The following UNC13C variants were observed in gnomAD, a reference collection of about 807,000 sequenced individuals.
UNC13C encodes unc-13 homolog C, also known as protein unc-13 homolog C.
A neutral mutation model predicts 245.4 loss-of-function variants in UNC13C; 174 were observed. That is an observed-to-expected ratio of 0.71 (90% CI 0.63 to 0.80). The LOEUF (loss-of-function observed/expected upper bound fraction) is 0.80, where lower values mean the gene tolerates loss of function less well. UNC13C is among the 30% of genes least tolerant of loss of function. The pLI is 0.00. For synonymous variants in UNC13C, 992 were observed against 895.1 expected (o/e 1.11, Z -1.93); for missense variants, 2,829 against 2,602.9 (o/e 1.09, Z -1.89).
chr15:54,410,951 T>C (rs1596338467), intron 18 of UNC13C, among the ~76,000 whole-genome samples: 1 of 152,226 alleles, frequency 6.6e-6, no homozygotes, highest in Non-Finnish European at 1.5e-5. Flanking sequence ...TCAAAAGCAA[T>C]GTGTCAGAGT....
At chr15:54,446,180 C>T (rs114838775) in intron 19 of UNC13C, among the ~76,000 whole-genome samples, 21,659 of 152,082 alleles carry the variant, frequency 0.14, 1,584 homozygotes, top group Non-Finnish European at 0.17. Context: ...GTACCATTCT[C>T]TTTTGGTTAC....
At chr15:54,224,508 C>G (rs2035318383) in intron 4 of UNC13C, among the ~76,000 whole-genome samples, 1 of 152,058 alleles carries the variant, frequency 6.6e-6, no homozygotes, top group Non-Finnish European at 1.5e-5. Flanking sequence ...ATGATCTTTT[C>G]AATATGTTGT....
intron 1 of UNC13C, among the ~76,000 whole-genome samples, chr15:53,985,899 T>C (rs551451212): frequency 7.2e-5 from 11 of 152,154 alleles, no homozygotes; most frequent in African/African-American, 2.6e-4. Context: ...AATCTTCCCA[T>C]TTTGACTCCA....
intron 1 of UNC13C, among the ~76,000 whole-genome samples, chr15:53,988,511 G>A (rs1270829291): frequency 2.0e-5 from 3 of 151,812 alleles, no homozygotes; most frequent in Non-Finnish European, 4.4e-5. Context: ...AATCAAAAAG[G>A]ATCTACCATC....
the UNC13C span, among the ~76,000 whole-genome samples, chr15:53,966,028 C>T: frequency 0.047 from 7,131 of 152,188 alleles, 274 homozygotes; most frequent in African/African-American, 0.1. Flanking sequence ...AGATTCAGTG[C>T]ACTTTTATCT....
chr15:54,550,069 G>C (rs1327203926), intron 28 of UNC13C, among the ~76,000 whole-genome samples: 2 of 152,138 alleles, frequency 1.3e-5, no homozygotes, highest in Non-Finnish European at 2.9e-5. Context: ...AGTGGGAGAT[G>C]TTCTGACTAA....
chr15:53,987,624 C>A (rs1015640061), intron 1 of UNC13C, among the ~76,000 whole-genome samples: 3 of 151,918 alleles, frequency 2.0e-5, no homozygotes, highest in Non-Finnish European at 4.4e-5. Context: ...AATTCATTTG[C>A]AAAAATGTCC....
At chr15:53,923,491 A>C in the UNC13C span, among the ~76,000 whole-genome samples, 2 of 152,226 alleles carry the variant, frequency 1.3e-5, no homozygotes, top group African/African-American at 4.8e-5. Flanking sequence ...AACTTGACTA[A>C]CCAACAGCCT....
intron 30 of UNC13C, among the ~76,000 whole-genome samples, chr15:54,597,457 A>C (rs1899153552): frequency 6.6e-6 from 1 of 152,082 alleles, no homozygotes. Context: ...GGTTTATTTT[A>C]CTTAGCCCAG....
intron 2 of UNC13C, among the ~76,000 whole-genome samples, chr15:54,038,124 A>ATATATAAAAATTTTTTTTTTT: frequency 4.4e-5 from 2 of 45,034 alleles, no homozygotes; most frequent in African/African-American, 2.1e-4. Context: ...ATATATATAT[A>ATATATAAAAATTTTTTTTTTT]TTTTTTTTTT....
At chr15:54,608,131 T>C (rs974600929) in intron 30 of UNC13C, among the ~76,000 whole-genome samples, 27 of 151,990 alleles carry the variant, frequency 1.8e-4, no homozygotes, top group Admixed American at 5.2e-4. Flanking sequence ...TCCAGGTCTT[T>C]TTCCAAAAAA....
intron 1 of UNC13C, among the ~76,000 whole-genome samples, chr15:53,985,740 T>A (rs1280511668): frequency 6.6e-6 from 1 of 152,022 alleles, no homozygotes; most frequent in Non-Finnish European, 1.5e-5. Flanking sequence ...CCATGTCACA[T>A]TATAGGTCAA....
At chr15:54,266,872 A>T (rs28587544) in intron 10 of UNC13C, among the ~76,000 whole-genome samples, 7,206 of 151,916 alleles carry the variant, frequency 0.047, 534 homozygotes, top group African/African-American at 0.16. Context: ...TTCATTTTGC[A>T]TTTTCTAGAA....
At chr15:54,357,866 TTATG>T (rs2039132881) in intron 17 of UNC13C, among the ~76,000 whole-genome samples, 1 of 152,004 alleles carries the variant, frequency 6.6e-6, no homozygotes, top group South Asian at 2.1e-4. Flanking sequence ...GTGTGTGTAT[TTATG>T]TAAACCATTA....
chr15:54,304,320 G>A (rs1014886672), intron 13 of UNC13C, among the ~76,000 whole-genome samples: 4 of 152,084 alleles, frequency 2.6e-5, no homozygotes, highest in Non-Finnish European at 5.9e-5. Context: ...AATGCCTTAG[G>A]TTTTGTGATT....
the UNC13C span, among the ~76,000 whole-genome samples, chr15:53,847,143 T>C: frequency 6.6e-6 from 1 of 152,162 alleles, no homozygotes; most frequent in African/African-American, 2.4e-5. Flanking sequence ...CAAACAGTTA[T>C]AGGGACTTTG....
At chr15:54,107,647 C>T (rs1369304422) in intron 2 of UNC13C, among the ~76,000 whole-genome samples, 5 of 152,102 alleles carry the variant, frequency 3.3e-5, no homozygotes, top group African/African-American at 1.2e-4. Flanking sequence ...TTCTTTTATG[C>T]AGAATGAGAA....
chr15:54,206,521 A>C (rs534414019), intron 4 of UNC13C, among the ~76,000 whole-genome samples: 6 of 152,210 alleles, frequency 3.9e-5, no homozygotes, highest in Non-Finnish European at 7.4e-5. Context: ...TTACAGAATG[A>C]ACCATTAATC....
chr15:54,545,855 C>G (rs1896461145), intron 26 of UNC13C, among the ~76,000 whole-genome samples: 1 of 152,114 alleles, frequency 6.6e-6, no homozygotes, highest in Non-Finnish European at 1.5e-5. Context: ...AATAGGAACA[C>G]TTTTAAACTG....
Sources: gnomAD v4.1 joint callset for allele counts (sites outside exome capture counted in the v4.1 genomes callset) on GRCh38, gnomAD v4.1.1 for gene constraint, MANE v1.5 for transcripts, NCBI Gene and HGNC (gene_info 2026-07-23, HGNC 2026-07-21) for gene names.